PCSK2: variants seen among roughly 807,000 people sequenced by gnomAD.
PCSK2 encodes neuroendocrine convertase 2.
Under a neutral mutation model 69.7 loss-of-function variants are expected in PCSK2, and 14 were observed. That is an observed-to-expected ratio of 0.20 (90% CI 0.13 to 0.31). The LOEUF (loss-of-function observed/expected upper bound fraction) is 0.31. PCSK2 is among the 10% of genes least tolerant of loss of function. PCSK2 has a pLI of 1.00. For missense variants in PCSK2, 544 were observed against 842.5 expected (o/e 0.65, Z 4.39); for synonymous variants, 307 against 320.7 (o/e 0.96, Z 0.46).
intron 11 of PCSK2, among the ~76,000 whole-genome samples, chr20:17,465,759 T>C (rs962390389): frequency 6.6e-6 from 1 of 152,106 alleles, no homozygotes; most frequent in Non-Finnish European, 1.5e-5. Context: ...GCCTTGAACT[T>C]CTGGTCTCAA....
intron 8 of PCSK2, among the ~76,000 whole-genome samples, chr20:17,450,551 G>A (rs889585196): frequency 2.0e-5 from 3 of 152,142 alleles, no homozygotes; most frequent in African/African-American, 4.8e-5. Flanking sequence ...CTCGATTTCT[G>A]CCTAGCTCCT....
chr20:17,328,211 T>A (rs891399528), intron 2 of PCSK2, among the ~76,000 whole-genome samples: 9 of 152,132 alleles, frequency 5.9e-5, no homozygotes, highest in African/African-American at 2.2e-4. Context: ...GGAAATATAT[T>A]GCTTTTTTTC....
chr20:17,287,532 G>A (rs1988559457), intron 2 of PCSK2, among the ~76,000 whole-genome samples: 1 of 151,952 alleles, frequency 6.6e-6, no homozygotes, highest in African/African-American at 2.4e-5. Flanking sequence ...AAGGAGGGGA[G>A]GGTGGATTCT....
chr20:17,370,019 A>G (rs996239808), intron 5 of PCSK2, among the ~76,000 whole-genome samples: 2 of 152,040 alleles, frequency 1.3e-5, no homozygotes, highest in South Asian at 2.1e-4. Context: ...AGAACCACAC[A>G]CTCTAACTTT....
At chr20:17,396,540 C>G (rs1214226890) in intron 5 of PCSK2, among the ~76,000 whole-genome samples, 1 of 152,150 alleles carries the variant, frequency 6.6e-6, no homozygotes, top group Non-Finnish European at 1.5e-5. Context: ...CCTCTCATGA[C>G]ATGATAGGGA....
intron 2 of PCSK2, among the ~76,000 whole-genome samples, chr20:17,339,103 T>A (rs550157729): frequency 6.6e-6 from 1 of 152,308 alleles, no homozygotes; most frequent in South Asian, 2.1e-4. Context: ...TTCTTAGGGA[T>A]ACACAGCACT....
intron 2 of PCSK2, among the ~76,000 whole-genome samples, chr20:17,322,186 A>G (rs1394825120): frequency 6.6e-6 from 1 of 152,116 alleles, no homozygotes; most frequent in East Asian, 1.9e-4. Context: ...CTTAATGGAG[A>G]ATGGTTTTAG....
intron 5 of PCSK2, among the ~76,000 whole-genome samples, chr20:17,369,905 T>C (rs2030707082): frequency 6.6e-6 from 1 of 152,212 alleles, no homozygotes; most frequent in South Asian, 2.1e-4. Context: ...ATTATTTGTG[T>C]CACTTATGAC....
chr20:17,402,666 A>AG (rs1226904575), intron 5 of PCSK2, among the ~76,000 whole-genome samples: 4 of 151,092 alleles, frequency 2.6e-5, no homozygotes, highest in Admixed American at 6.6e-5. Context: ...GTCTCAAAAA[A>AG]AAAAAAAAAA....
At chr20:17,422,047 A>C (rs2032142609) in intron 6 of PCSK2, among the ~76,000 whole-genome samples, 1 of 152,216 alleles carries the variant, frequency 6.6e-6, no homozygotes, top group Non-Finnish European at 1.5e-5. Flanking sequence ...CATTTTAAAG[A>C]AAACTAAATG....
intron 2 of PCSK2, among the ~76,000 whole-genome samples, chr20:17,342,509 G>C (rs1231042918): frequency 6.6e-6 from 1 of 152,028 alleles, no homozygotes; most frequent in Non-Finnish European, 1.5e-5. Flanking sequence ...TGCAGAGATG[G>C]GGTTTCACCA....
intron 5 of PCSK2, among the ~76,000 whole-genome samples, chr20:17,402,321 A>G (rs1487987531): frequency 6.6e-6 from 1 of 152,218 alleles, no homozygotes; most frequent in Admixed American, 6.5e-5. Context: ...ACCTCTCCCA[A>G]GTCTGCTGAT....
chr20:17,417,148 G>A (rs562894374), intron 6 of PCSK2, among the ~76,000 whole-genome samples: 10 of 152,166 alleles, frequency 6.6e-5, no homozygotes, highest in East Asian at 1.9e-4. Context: ...CGTTGTGCAC[G>A]TGTACCCTAG....
At chr20:17,344,536 C>G (rs1990594847) in intron 2 of PCSK2, among the ~76,000 whole-genome samples, 1 of 152,202 alleles carries the variant, frequency 6.6e-6, no homozygotes, top group African/African-American at 2.4e-5. Context: ...CCTCTTAACT[C>G]TTTAGTTCAT....
Position 17,266,708 on chromosome 20 carries a change from C to T in PCSK2, c.282+6364C>T, listed in dbSNP as rs372353889. Among the ~76,000 whole-genome samples the T allele has an allele frequency of 7.9e-5, 12 of 152,094 alleles. No homozygotes were observed. The East Asian group carries it at 1.3e-3, about 17-fold the overall frequency. On this transcript the variant is annotated intron_variant, in intron 2 of 11. Transcript: ENST00000262545. ...TGAGCAAATGGGCTTTCAACAGGGG[C>T]CTCAGTCAATTTTACAGGAAACTCA...
At chr20:17,306,334 G>T (rs577750480) in intron 2 of PCSK2, among the ~76,000 whole-genome samples, 1 of 151,948 alleles carries the variant, frequency 6.6e-6, no homozygotes, top group Non-Finnish European at 1.5e-5. Context: ...CCAAAAAAAC[G>T]CATAAAAATA....
intron 6 of PCSK2, among the ~76,000 whole-genome samples, chr20:17,419,024 T>C (rs945063966): frequency 2.6e-5 from 4 of 152,240 alleles, no homozygotes; most frequent in Admixed American, 6.5e-5. Flanking sequence ...AAATGCACTA[T>C]AGGGGACACT....
At chr20:17,336,747 G>C (rs1990363831) in intron 2 of PCSK2, among the ~76,000 whole-genome samples, 1 of 152,202 alleles carries the variant, frequency 6.6e-6, no homozygotes, top group Admixed American at 6.5e-5. Flanking sequence ...AAGTAGCATA[G>C]TGGAAAATAT....
chr20:17,233,817 C>G (rs1986232977), intron 1 of PCSK2, among the ~76,000 whole-genome samples: 1 of 152,150 alleles, frequency 6.6e-6, no homozygotes, highest in South Asian at 2.1e-4. Flanking sequence ...TAAGCGTGAT[C>G]ATGTGACAAT....
Sources: allele counts gnomAD v4.1 joint callset (sites outside exome capture counted in the v4.1 genomes callset), GRCh38; gene constraint gnomAD v4.1.1; transcripts MANE v1.5; gene names NCBI Gene and HGNC (gene_info 2026-07-23, HGNC 2026-07-21).